Variants in COL22A1 observed in about 807,000 individuals in gnomAD.
COL22A1 encodes the protein collagen alpha-1(XXII) chain.
In COL22A1, 221 loss-of-function variants were observed where a neutral mutation model predicts 248.9. That is an observed-to-expected ratio of 0.89 (90% CI 0.80 to 0.99). The LOEUF (loss-of-function observed/expected upper bound fraction) is 0.99, where lower values mean the gene tolerates loss of function less well. Among genes scored for constraint, COL22A1 ranks in the 50% least tolerant of loss-of-function variants. The pLI is 0.00. For synonymous variants in COL22A1, 891 were observed against 793.4 expected, an observed-to-expected ratio of 1.12 and a Z score of -2.07; for missense variants, 2,240 against 2,179.0, an observed-to-expected ratio of 1.03 and a Z score of -0.56.
intron 32 of COL22A1, 38 bp from the exon 33 acceptor site, chr8:138,694,917 G>A (rs756698378): frequency 2.7e-5 from 44 of 1,603,538 alleles, no homozygotes; most frequent in Non-Finnish European, 3.7e-5. Context: ...GGACTTCAGG[G>A]AGAACTGCCC....
At chr8:138,665,818 CAG>C (rs1160861033) in intron 41 of COL22A1, among the ~76,000 whole-genome samples, 1 of 151,798 alleles carries the variant, frequency 6.6e-6, no homozygotes, top group East Asian at 1.9e-4. Context: ...AGAAAGAAAA[CAG>C]AGAAAATAAC....
chr8:138,902,464 G>A (rs764656167), intron 1 of COL22A1, among the ~76,000 whole-genome samples: 1 of 152,090 alleles, frequency 6.6e-6, no homozygotes, highest in East Asian at 1.9e-4. Context: ...TTGGAAGGCC[G>A]AGGTGGGCGG....
At chr8:138,847,543 C>T (rs540296506) in intron 3 of COL22A1, among the ~76,000 whole-genome samples, 1 of 152,308 alleles carries the variant, frequency 6.6e-6, no homozygotes, top group South Asian at 2.1e-4. Flanking sequence ...TCCAGTCTCA[C>T]TTGCAGCTAG....
intron 30 of COL22A1, among the ~76,000 whole-genome samples, chr8:138,707,916 C>T (rs1713871485): frequency 6.6e-6 from 1 of 152,184 alleles, no homozygotes. Flanking sequence ...TCTCCTTAAG[C>T]TGAGAAGCAA....
At chr8:138,640,536 C>T (rs185286768) in intron 47 of COL22A1, among the ~76,000 whole-genome samples, 170 of 152,202 alleles carry the variant, frequency 1.1e-3, no homozygotes, top group African/African-American at 3.8e-3. Context: ...AAAATCCTGC[C>T]TCCTCCAGGT....
At chr8:138,869,668 A>G (rs1327940779) in intron 3 of COL22A1, among the ~76,000 whole-genome samples, 3 of 152,168 alleles carry the variant, frequency 2.0e-5, no homozygotes, top group Non-Finnish European at 4.4e-5. Flanking sequence ...CACAGCACAT[A>G]ATCATAATTA....
At chr8:138,768,911 T>G (rs1449528413) in intron 16 of COL22A1, among the ~76,000 whole-genome samples, 1 of 151,818 alleles carries the variant, frequency 6.6e-6, no homozygotes, top group East Asian at 1.9e-4. Flanking sequence ...CACTCCAGCC[T>G]GGGCAATAGA....
At chr8:138,800,833 G>A (rs569624340) in intron 11 of COL22A1, among the ~76,000 whole-genome samples, 4 of 152,258 alleles carry the variant, frequency 2.6e-5, no homozygotes, top group Admixed American at 2.0e-4. Flanking sequence ...CCTAAAGTGG[G>A]TCTTGTCCCA....
At chr8:138,906,935 G>A (rs901965619) in intron 1 of COL22A1, among the ~76,000 whole-genome samples, 3 of 152,174 alleles carry the variant, frequency 2.0e-5, no homozygotes, top group African/African-American at 7.2e-5. Flanking sequence ...CTACAAGCAT[G>A]AGCCACCACA....
At position 138,649,698 on chromosome 8, in the gene COL22A1, T is replaced by C. The variant is rs1822522678; in HGVS notation, c.3414A>G (p.Gly1138=). Residue 1138 remains glycine (G), a synonymous_variant, in exon 46 of 65, where the codon GGA becomes GGG. Transcript: ENST00000303045. ...PGFKGDKGVP[G]KPGREGTEGK... is the part of the protein sequence containing the mutation. ...CTTCTGTGCCTTCTCTCCCTGGCTT[T>C]CCTGGGACACCTTTGTCCCCTTTAA... The C allele has an allele frequency of 6.2e-7, 1 of 1,613,510 alleles. No homozygotes were observed. The highest frequency in any genetic ancestry group is 8.5e-7 in the Non-Finnish European group (1 of 1,179,806).
At chr8:138,785,030 C>G (rs1399631023) in intron 12 of COL22A1, among the ~76,000 whole-genome samples, 1 of 152,164 alleles carries the variant, frequency 6.6e-6, no homozygotes, top group Non-Finnish European at 1.5e-5. Flanking sequence ...CACACTGGGG[C>G]ACAGGGCAGG....
At chr8:138,777,950 T>C in intron 15 of COL22A1, 1 of 282,970 alleles carries the variant, frequency 3.5e-6, no homozygotes, top group Non-Finnish European at 6.8e-6. Flanking sequence ...CTGAACACCA[T>C]ACTGGACAGT....
intron 12 of COL22A1, among the ~76,000 whole-genome samples, chr8:138,794,946 TCA>T (rs1453741854): frequency 6.6e-6 from 1 of 152,028 alleles, no homozygotes; most frequent in Non-Finnish European, 1.5e-5. Context: ...GCAAAAAATC[TCA>T]GTTAAGCAAA....
chr8:138,859,164 AG>A (rs1397752512), intron 3 of COL22A1, among the ~76,000 whole-genome samples: 1 of 152,234 alleles, frequency 6.6e-6, no homozygotes, highest in African/African-American at 2.4e-5. Context: ...TGCCACTGCC[AG>A]CCACGTTCTC....
chr8:138,782,119 C>T (rs1815066993), intron 12 of COL22A1, among the ~76,000 whole-genome samples: 1 of 152,218 alleles, frequency 6.6e-6, no homozygotes, highest in South Asian at 2.1e-4. Flanking sequence ...TTCTGTCTGA[C>T]ATAAGTCAGT....
At chr8:138,698,886 G>C (rs1043039803) in intron 32 of COL22A1, among the ~76,000 whole-genome samples, 2 of 152,252 alleles carry the variant, frequency 1.3e-5, no homozygotes, top group African/African-American at 4.8e-5. Context: ...GAGCGGAGCA[G>C]AGTTATAAAT....
chr8:138,649,804 C>G, intron 45 of COL22A1, 26 bp from the exon 46 acceptor site: 2 of 1,407,822 alleles, frequency 1.4e-6, no homozygotes, highest in Non-Finnish European at 9.7e-7. Context: ...GAGGTGGGGA[C>G]AAAGAGAGAA....
intron 30 of COL22A1, among the ~76,000 whole-genome samples, chr8:138,710,008 G>A (rs1828820852): frequency 6.6e-6 from 1 of 152,184 alleles, no homozygotes; most frequent in Non-Finnish European, 1.5e-5. Flanking sequence ...AACCTGGGGG[G>A]AACAGTGTTA....
chr8:138,594,117 A>T lies in COL22A1; in HGVS notation c.4515T>A (p.Pro1505=). ...CCCGGCCTGGAAGCCCATCTTTTCC[A>T]GGGGGCCCTGGGGGCCCAGGTCTGC... is the stretch of plus-strand genomic sequence containing the variant. ...SQGRPGPPGP[P]GKDGLPGRAG... The change falls in exon 63 of 65, where the codon CCT becomes CCA. Residue 1505 remains proline, a synonymous_variant. Transcript: ENST00000303045. 1.3e-6 allele frequency: 2 copies of T among 1,581,034 alleles called. No individual in the cohort carries two copies. The highest frequency in any genetic ancestry group is 1.7e-6 in the Non-Finnish European group (2 of 1,169,910).
Sources: allele counts gnomAD v4.1 joint callset (sites outside exome capture counted in the v4.1 genomes callset), GRCh38; gene constraint gnomAD v4.1.1; transcripts MANE v1.5; gene names NCBI Gene and HGNC (gene_info 2026-07-23, HGNC 2026-07-21).